TMEM132C: variants seen among roughly 807,000 people sequenced by gnomAD.
TMEM132C encodes protein phosphatase 1, regulatory subunit 152.
Under a neutral mutation model 61.4 loss-of-function variants are expected in TMEM132C, and 29 were observed. The ratio of observed to expected loss-of-function variants is 0.47; its 90% confidence interval spans 0.35 to 0.64. TMEM132C has a LOEUF of 0.64. TMEM132C is among the 30% of genes least tolerant of loss of function. The pLI, the probability that TMEM132C is intolerant of heterozygous loss-of-function variation, is 0.00. For missense variants in TMEM132C, 1,408 were observed against 1,476.9 expected, an observed-to-expected ratio of 0.95 and a Z score of 0.76; for synonymous variants, 656 against 633.1, an observed-to-expected ratio of 1.04 and a Z score of -0.54.
intron 1 of TMEM132C, among the ~76,000 whole-genome samples, chr12:128,389,945 C>T (rs920005055): frequency 1.3e-5 from 2 of 152,240 alleles, no homozygotes; most frequent in African/African-American, 2.4e-5. Flanking sequence ...GTGGCGCAAT[C>T]ATAGCTCACT....
intron 1 of TMEM132C, among the ~76,000 whole-genome samples, chr12:128,354,105 A>T (rs1051645955): frequency 2.4e-4 from 37 of 152,114 alleles, no homozygotes; most frequent in African/African-American, 7.2e-4. Context: ...AATCACCATT[A>T]TCTGCAAACT....
chr12:128,351,010 G>A (rs965169963), intron 1 of TMEM132C, among the ~76,000 whole-genome samples: 5 of 152,100 alleles, frequency 3.3e-5, no homozygotes, highest in Non-Finnish European at 7.3e-5. Context: ...AGGAAGAAAA[G>A]AGCCTGAGTC....
chr12:128,645,457 T>A (rs1954189055), intron 4 of TMEM132C, among the ~76,000 whole-genome samples: 1 of 152,148 alleles, frequency 6.6e-6, no homozygotes, highest in African/African-American at 2.4e-5. Flanking sequence ...GCACCCGAGA[T>A]CCTTCCAGCA....
In TMEM132C at chr12:128,704,824, A is replaced by T. The variant is rs11059840; in HGVS notation, c.2122-266A>T. Among the ~76,000 whole-genome samples, 65,259 of 152,020 alleles carry T rather than the reference A, an allele frequency of 0.43. 14,523 individuals carry two copies. Among genetic ancestry groups the T allele is most frequent in the African/African-American group, 0.53 (22,086 of 41,464 alleles). Reference sequence around the variant, plus strand: ...ATAAAGCCACCCGGAGCCTCATCTCACTTAGGGATTTTTGTTTTGCCATTT... The same window carrying T: ...ATAAAGCCACCCGGAGCCTCATCTCTCTTAGGGATTTTTGTTTTGCCATTT... On this transcript the variant is annotated intron_variant, in intron 8 of 8. Coordinates refer to ENST00000435159, the MANE Select transcript of TMEM132C (RefSeq NM_001136103.3).
intron 1 of TMEM132C, among the ~76,000 whole-genome samples, chr12:128,289,435 G>A (rs191582538): frequency 5.4e-4 from 82 of 152,286 alleles, no homozygotes; most frequent in South Asian, 5.0e-3. Context: ...ATCTATTTGC[G>A]TGACTAACCA....
chr12:128,665,621 GCA>G (rs139344256), intron 4 of TMEM132C, among the ~76,000 whole-genome samples: 4,565 of 120,100 alleles, frequency 0.038, 148 homozygotes, highest in African/African-American at 0.1. Flanking sequence ...CCAAACACAG[GCA>G]CACACACACA....
intron 4 of TMEM132C, among the ~76,000 whole-genome samples, chr12:128,629,114 G>A (rs986774755): frequency 4.6e-5 from 7 of 152,188 alleles, no homozygotes; most frequent in African/African-American, 1.4e-4. Flanking sequence ...CAAACATCAT[G>A]CACACTGGGA....
intron 1 of TMEM132C, among the ~76,000 whole-genome samples, chr12:128,385,907 T>C (rs1415534693): frequency 6.6e-6 from 1 of 152,016 alleles, no homozygotes; most frequent in East Asian, 1.9e-4. Context: ...AGGGCTTGTA[T>C]CTCCCAAGCC....
chr12:128,441,005 C>T (rs1328797781), intron 2 of TMEM132C, among the ~76,000 whole-genome samples: 1 of 152,182 alleles, frequency 6.6e-6, no homozygotes, highest in African/African-American at 2.4e-5. Context: ...CGCGCCACTG[C>T]ACTCCAGCAT....
intron 4 of TMEM132C, among the ~76,000 whole-genome samples, chr12:128,657,831 G>T (rs1393226051): frequency 2.0e-5 from 3 of 152,252 alleles, no homozygotes; most frequent in African/African-American, 7.2e-5. Context: ...GTCACAGTTT[G>T]TGGGCTCTGT....
intron 2 of TMEM132C, among the ~76,000 whole-genome samples, chr12:128,436,664 G>T (rs1196465954): frequency 6.6e-6 from 1 of 152,252 alleles, no homozygotes; most frequent in Admixed American, 6.5e-5. Context: ...TGGAGAGGAT[G>T]TGGAGAAATA....
chr12:128,447,686 TATG>T (rs1384449859), intron 2 of TMEM132C, among the ~76,000 whole-genome samples: 1 of 150,722 alleles, frequency 6.6e-6, no homozygotes, highest in African/African-American at 2.4e-5. Flanking sequence ...CTCCTAGACG[TATG>T]ATATTATTTC....
intron 2 of TMEM132C, among the ~76,000 whole-genome samples, chr12:128,488,979 A>G (rs1224007731): frequency 6.6e-6 from 1 of 152,130 alleles, no homozygotes; most frequent in Non-Finnish European, 1.5e-5. Flanking sequence ...CCAAGAAAAA[A>G]GTTTTTATCC....
intron 1 of TMEM132C, among the ~76,000 whole-genome samples, chr12:128,292,557 A>G (rs1374757025): frequency 1.3e-5 from 2 of 152,000 alleles, no homozygotes; most frequent in Non-Finnish European, 2.9e-5. Context: ...GTAAATATCT[A>G]TTAAGTGTAC....
intron 2 of TMEM132C, among the ~76,000 whole-genome samples, chr12:128,432,304 A>C (rs1305728674): frequency 6.6e-6 from 1 of 152,240 alleles, no homozygotes; most frequent in Non-Finnish European, 1.5e-5. Flanking sequence ...CTTATTATTT[A>C]AGAAAGACAC....
chr12:128,474,866 G>A (rs749623029), intron 2 of TMEM132C, among the ~76,000 whole-genome samples: 11 of 152,138 alleles, frequency 7.2e-5, no homozygotes, highest in Non-Finnish European at 1.5e-4. Context: ...AAAAACAGCA[G>A]CTTGGAGTAA....
rs1593096707 is a variant in TMEM132C, at chr12:128,550,235, C to T, written c.1121+6132C>T. Among the ~76,000 whole-genome samples, 9 of 152,120 alleles carry T rather than the reference C, an allele frequency of 5.9e-5. No homozygotes were observed. The South Asian group carries it at 1.9e-3, about 32-fold the overall frequency. On this transcript the variant is annotated intron_variant, in intron 3 of 8. Transcript: ENST00000435159. ...TCTTCCTGGCTTGCAGTTCGCCACC[C>T]TCTCGGCATCTTGTGTCCTCAGAGG... is the stretch of plus-strand genomic sequence containing the variant.
chr12:128,515,562 A>G (rs1872689650), intron 2 of TMEM132C, among the ~76,000 whole-genome samples: 1 of 152,202 alleles, frequency 6.6e-6, no homozygotes, highest in Non-Finnish European at 1.5e-5. Context: ...GGCTCGGCAC[A>G]GTGGCTCACG....
intron 1 of TMEM132C, 94 bp downstream of exon 1, chr12:128,267,581 G>A (rs1592990201): frequency 9.6e-7 from 1 of 1,040,782 alleles, no homozygotes; most frequent in East Asian, 3.8e-5. Flanking sequence ...GAGGGGTGCG[G>A]CGGGGGCCTC....
Sources: allele counts gnomAD v4.1 joint callset (sites outside exome capture counted in the v4.1 genomes callset), GRCh38; gene constraint gnomAD v4.1.1; transcripts MANE v1.5; gene names NCBI Gene and HGNC (gene_info 2026-07-23, HGNC 2026-07-21).